RIMS1: variants seen among roughly 807,000 people sequenced by gnomAD.
RIMS1 encodes the protein regulating synaptic membrane exocytosis protein 1.
RIMS1 carries 83 observed loss-of-function variants against 214.1 expected under a neutral mutation model. The ratio of observed to expected loss-of-function variants is 0.39; its 90% CI spans 0.32 to 0.47. The LOEUF (loss-of-function observed/expected upper bound fraction) is 0.47, where lower values mean the gene tolerates loss of function less well. Ranked by LOEUF, RIMS1 falls within the 20% of genes least tolerant of loss-of-function variation. The probability of loss-of-function intolerance (pLI) is 0.99; values close to 1 mark genes in which losing one functional copy is unlikely to be tolerated. For missense variants in RIMS1, 2,050 were observed against 2,161.8 expected, an observed-to-expected ratio of 0.95 and a Z score of 1.03; for synonymous variants, 793 against 786.8, an observed-to-expected ratio of 1.01 and a Z score of -0.13.
intron 27 of RIMS1, among the ~76,000 whole-genome samples, chr6:72,308,769 G>A (rs2095363831): frequency 6.6e-6 from 1 of 152,078 alleles, no homozygotes; most frequent in African/African-American, 2.4e-5. Flanking sequence ...CAAAAAAATG[G>A]TAAGCAAAAT....
intron 1 of RIMS1, among the ~76,000 whole-genome samples, chr6:71,954,577 G>A (rs1392044444): frequency 2.0e-5 from 3 of 150,218 alleles, no homozygotes; most frequent in Non-Finnish European, 4.5e-5. Flanking sequence ...GACTTCCGTA[G>A]TTGTTTATTG....
intron 29 of RIMS1, among the ~76,000 whole-genome samples, chr6:72,362,669 A>T (rs1023771194): frequency 9.9e-5 from 15 of 152,248 alleles, no homozygotes; most frequent in Admixed American, 8.5e-4. Flanking sequence ...CAGCACTTCT[A>T]TATCTTTTGA....
chr6:71,892,207 T>G (rs1245524648), intron 1 of RIMS1, among the ~76,000 whole-genome samples: 1 of 152,248 alleles, frequency 6.6e-6, no homozygotes, highest in Non-Finnish European at 1.5e-5. Context: ...ATGATTTGTT[T>G]CCCTCATCTG....
chr6:72,012,238 C>G (rs1373447533), intron 2 of RIMS1, among the ~76,000 whole-genome samples: 1 of 152,034 alleles, frequency 6.6e-6, no homozygotes, highest in African/African-American at 2.4e-5. Context: ...GGACAAAAAA[C>G]CAAACACCGC....
intron 22 of RIMS1, among the ~76,000 whole-genome samples, chr6:72,270,405 A>C (rs1318686542): frequency 6.6e-6 from 1 of 152,146 alleles, no homozygotes; most frequent in Non-Finnish European, 1.5e-5. Flanking sequence ...CAGGGATAAT[A>C]TCCTATTTCT....
At chr6:72,177,619 GTCT>G (rs1370907325) in intron 4 of RIMS1, among the ~76,000 whole-genome samples, 18 of 152,158 alleles carry the variant, frequency 1.2e-4, no homozygotes, top group African/African-American at 7.2e-5. Flanking sequence ...CAAATTTAAC[GTCT>G]TCTTATTTGA....
intron 4 of RIMS1, among the ~76,000 whole-genome samples, chr6:72,146,980 C>A (rs2042850860): frequency 6.6e-6 from 1 of 152,128 alleles, no homozygotes; most frequent in Non-Finnish European, 1.5e-5. Context: ...TGTCCCCAGA[C>A]CTTACCAACT....
chr6:72,018,882 G>C (rs574243188), intron 2 of RIMS1, among the ~76,000 whole-genome samples: 19 of 152,280 alleles, frequency 1.2e-4, no homozygotes, highest in African/African-American at 4.6e-4. Context: ...CCATATCTTA[G>C]ACTATAGTGC....
At chr6:72,104,791 T>G (rs1051307121) in intron 4 of RIMS1, among the ~76,000 whole-genome samples, 8 of 151,974 alleles carry the variant, frequency 5.3e-5, no homozygotes, top group African/African-American at 1.7e-4. Context: ...TAAATGACTG[T>G]TTTTTTTTAA....
intron 4 of RIMS1, among the ~76,000 whole-genome samples, chr6:72,133,009 A>C (rs541528743): frequency 1.3e-5 from 2 of 152,226 alleles, no homozygotes; most frequent in South Asian, 4.1e-4. Context: ...AAATGAGAAA[A>C]TTGAGTCACA....
intron 1 of RIMS1, among the ~76,000 whole-genome samples, chr6:71,944,728 C>T (rs914620814): frequency 2.0e-5 from 3 of 152,122 alleles, no homozygotes; most frequent in Non-Finnish European, 4.4e-5. Context: ...GACTTTATCT[C>T]GTGATCTACA....
chr6:72,260,086 T>C (rs1334636589), intron 18 of RIMS1, among the ~76,000 whole-genome samples: 4 of 152,102 alleles, frequency 2.6e-5, no homozygotes. Context: ...GAATGAGGGC[T>C]ATTTTATCAA....
At chr6:72,131,507 T>C (rs1040849468) in intron 4 of RIMS1, among the ~76,000 whole-genome samples, 1 of 152,080 alleles carries the variant, frequency 6.6e-6, no homozygotes, top group African/African-American at 2.4e-5. Context: ...ACCAGCATGT[T>C]TTTATTAGGG....
At chr6:72,103,454 T>G (rs558679863) in intron 4 of RIMS1, among the ~76,000 whole-genome samples, 1 of 152,220 alleles carries the variant, frequency 6.6e-6, no homozygotes, top group East Asian at 1.9e-4. Context: ...CATCTTTTAG[T>G]ACAGTTATAA....
At chr6:72,048,793 G>A (rs1458319247) in intron 2 of RIMS1, among the ~76,000 whole-genome samples, 1 of 152,138 alleles carries the variant, frequency 6.6e-6, no homozygotes, top group African/African-American at 2.4e-5. Context: ...GATTAAACTC[G>A]AATTCCCACT....
chr6:72,306,828 T>C (rs2095218048), intron 26 of RIMS1, among the ~76,000 whole-genome samples: 1 of 152,152 alleles, frequency 6.6e-6, no homozygotes, highest in Non-Finnish European at 1.5e-5. Context: ...GCTGAGGGTG[T>C]TAAGTGGGTG....
chr6:71,980,504 A>C (rs1334377732), intron 2 of RIMS1, among the ~76,000 whole-genome samples: 1 of 152,154 alleles, frequency 6.6e-6, no homozygotes, highest in Non-Finnish European at 1.5e-5. Context: ...GAGTTGGAGG[A>C]ATACAAACCT....
chr6:72,376,937 G>T (rs1403775551), intron 29 of RIMS1, among the ~76,000 whole-genome samples: 1 of 152,102 alleles, frequency 6.6e-6, no homozygotes, highest in African/African-American at 2.4e-5. Context: ...CGAAGCATGG[G>T]ACAGTTTTAC....
chr6:72,146,535 T>C (rs1377530069), intron 4 of RIMS1, among the ~76,000 whole-genome samples: 1 of 152,204 alleles, frequency 6.6e-6, no homozygotes, highest in Non-Finnish European at 1.5e-5. Context: ...AGAAGGTTAG[T>C]GCCTTTAGAA....
Sources: gnomAD v4.1 joint callset for allele counts (sites outside exome capture counted in the v4.1 genomes callset) on GRCh38, gnomAD v4.1.1 for gene constraint, MANE v1.5 for transcripts, NCBI Gene and HGNC (gene_info 2026-07-23, HGNC 2026-07-21) for gene names.